Variants in TNS1 observed in about 807,000 individuals in gnomAD.
The protein encoded by TNS1 is tensin 1, also known as tensin-1.
A neutral mutation model predicts 168.6 loss-of-function variants in TNS1; 62 were observed. That is an observed-to-expected ratio of 0.37 (90% CI 0.30 to 0.45). The LOEUF is 0.45. Ranked by LOEUF, TNS1 falls within the 20% of genes least tolerant of loss-of-function variation. The probability of loss-of-function intolerance (pLI) is 1.00; values close to 1 mark genes in which losing one functional copy is unlikely to be tolerated. For synonymous variants in TNS1, 934 were observed against 933.2 expected, an observed-to-expected ratio of 1.00 and a Z score of -0.02; for missense variants, 2,240 against 2,339.4, an observed-to-expected ratio of 0.96 and a Z score of 0.88.
At position 217,963,889 on chromosome 2, in the gene TNS1, CA is replaced by C. The variant is rs58953604; in HGVS notation, c.186+14875del. On this transcript the variant is annotated intron_variant, in intron 3 of 32. Coordinates refer to ENST00000682258, the MANE Select transcript of TNS1 (RefSeq NM_001387777.1). ...TGAAACCCCATCTCTACTAAAAATA[CA>C]AAAAAAAAAAAAAAATTAGTCGGGT... Among the ~76,000 whole-genome samples, 708 of 126,308 alleles carry C rather than the reference CA, an allele frequency of 5.6e-3. 7 individuals carry two copies. Among genetic ancestry groups the C allele is most frequent in the African/African-American group, 0.012 (386 of 33,422 alleles). 82.9% of individuals were successfully genotyped at this position (126,308 alleles called of 152,430 possible). A position where few individuals can be genotyped will look rare whatever the true frequency, so the allele number is the denominator to read the frequency against.
chr2:217,838,120 C>G (rs532345706), intron 19 of TNS1, among the ~76,000 whole-genome samples: 1 of 152,242 alleles, frequency 6.6e-6, no homozygotes, highest in African/African-American at 2.4e-5. Flanking sequence ...AAAATAAATG[C>G]ATTAGGGCTG....
intron 7 of TNS1, among the ~76,000 whole-genome samples, chr2:217,898,727 C>T (rs537824706): frequency 7.9e-5 from 12 of 152,362 alleles, no homozygotes; most frequent in Admixed American, 6.5e-4. Context: ...TGGCGGGCAG[C>T]CGCCAGCACC....
intron 18 of TNS1, among the ~76,000 whole-genome samples, chr2:217,852,321 C>T (rs1387019695): frequency 2.6e-5 from 4 of 152,062 alleles, no homozygotes; most frequent in Admixed American, 1.3e-4. Flanking sequence ...AGCTGCAGGC[C>T]CCCTCCTGAG....
intron 3 of TNS1, among the ~76,000 whole-genome samples, chr2:217,930,601 G>A (rs907488188): frequency 3.9e-5 from 6 of 152,196 alleles, no homozygotes; most frequent in African/African-American, 7.2e-5. Flanking sequence ...GCTGGAGCCC[G>A]AGAGTCCAGC....
rs1050099242 is a variant in TNS1 at position 217,882,274 on chromosome 2, G to A, written c.1312+72C>T. ...TTGATCACTGTGGAACAGACCAGGG[G>A]TGGAAGGGTGCTGGGGATAGGGTCA... On this transcript the variant is annotated intron_variant, in intron 17 of 32. Coordinates refer to ENST00000682258, the MANE Select transcript of TNS1 (RefSeq NM_001387777.1). 14 of 1,067,250 alleles carry A rather than the reference G, an allele frequency of 1.3e-5. No homozygotes were observed. In the Admixed American group the frequency reaches 1.6e-4, roughly 12 times the overall value. The allele number at this position is 1,067,250 out of a possible 1,614,324, so 66.1% of individuals were successfully genotyped here.
chr2:217,888,714 A>G (rs185321898), intron 12 of TNS1, among the ~76,000 whole-genome samples: 24 of 152,216 alleles, frequency 1.6e-4, no homozygotes, highest in Non-Finnish European at 2.9e-4. Flanking sequence ...CTTGTCTGTC[A>G]CCATGTGAGA....
chr2:217,964,917 C>T (rs1228646014), intron 3 of TNS1, among the ~76,000 whole-genome samples: 3 of 152,352 alleles, frequency 2.0e-5, no homozygotes, highest in South Asian at 2.1e-4. Context: ...CCCACCTGCC[C>T]GCTGCAAGGG....
chr2:217,829,805 A>G (rs771645185), intron 22 of TNS1: 2 of 1,612,830 alleles, frequency 1.2e-6, no homozygotes, highest in Admixed American at 3.3e-5. Flanking sequence ...AGCCATTTCC[A>G]GACCCAGAGA....
chr2:217,964,512 C>T (rs947393535), intron 3 of TNS1, among the ~76,000 whole-genome samples: 3 of 152,212 alleles, frequency 2.0e-5, no homozygotes, highest in Admixed American at 6.5e-5. Flanking sequence ...GAGGCGTTTC[C>T]TCCTCTGTGC....
At chr2:218,007,890 C>A (rs1958674433), upstream of TNS1, among the ~76,000 whole-genome samples, 1 of 152,184 alleles carries the variant, frequency 6.6e-6, no homozygotes, top group Non-Finnish European at 1.5e-5. Context: ...TGAGATGCAT[C>A]AGCCCAGAGC....
intron 12 of TNS1, among the ~76,000 whole-genome samples, chr2:217,886,954 C>T (rs374190330): frequency 6.6e-6 from 1 of 152,122 alleles, no homozygotes; most frequent in Non-Finnish European, 1.5e-5. Flanking sequence ...ACTCCCAGCC[C>T]GAGAATCTCC....
intron 1 of TNS1, among the ~76,000 whole-genome samples, chr2:217,993,369 C>T (rs1442428845): frequency 6.6e-6 from 1 of 152,216 alleles, no homozygotes; most frequent in Non-Finnish European, 1.5e-5. Context: ...TTCCTGGCTT[C>T]CTCCACTTTA....
At chr2:217,810,197 A>G in intron 29 of TNS1, 51 bp downstream of exon 29, 1 of 1,599,898 alleles carries the variant, frequency 6.3e-7, no homozygotes, top group Non-Finnish European at 8.6e-7. Context: ...TCAGGGCAGG[A>G]AGGCAGAAAG....
chr2:217,839,301 G>T (rs1945614294), intron 19 of TNS1, among the ~76,000 whole-genome samples: 1 of 152,092 alleles, frequency 6.6e-6, no homozygotes, highest in South Asian at 2.1e-4. Flanking sequence ...TGTTCAAGGA[G>T]CCCTGGGCGT....
chr2:217,854,544 G>A (rs962886593), intron 18 of TNS1, among the ~76,000 whole-genome samples: 2 of 152,212 alleles, frequency 1.3e-5, no homozygotes, highest in African/African-American at 4.8e-5. Context: ...CATGACAATA[G>A]GAAGAAGCAC....
chr2:217,819,801 G>T lies in TNS1; in HGVS notation c.3573-1042C>A, dbSNP rs1014592412. ...GGGGCCTTACATAAACTAGTATGTA[G>T]GGAGGGAGCAGGCAGGCTGTGCACC... On this transcript the variant is annotated intron_variant, in intron 23 of 32. Transcript: ENST00000682258. Among the ~76,000 whole-genome samples, 2 of 152,138 alleles carry T rather than the reference G, an allele frequency of 1.3e-5. 1 individual carries two copies. The highest frequency in any genetic ancestry group is 4.1e-4 in the South Asian group (2 of 4,824).
intron 22 of TNS1, among the ~76,000 whole-genome samples, chr2:217,830,770 C>T (rs921223387): frequency 6.6e-6 from 1 of 152,198 alleles, no homozygotes; most frequent in Non-Finnish European, 1.5e-5. Flanking sequence ...GGGGGATGAG[C>T]ACAGGCCAGG....
intron 18 of TNS1, among the ~76,000 whole-genome samples, chr2:217,850,894 C>T (rs115991669): frequency 0.042 from 6,436 of 152,172 alleles, 446 homozygotes; most frequent in African/African-American, 0.15. Context: ...GTGAGCACAG[C>T]GCAAACGCCA....
rs201270225 is a variant in TNS1, at chr2:217,809,898, T to C, written c.5198A>G (p.Asp1733Gly). 62 of 1,612,632 alleles carry C rather than the reference T, an allele frequency of 3.8e-5. No homozygotes were observed. Among genetic ancestry groups the C allele is most frequent in the Non-Finnish European group, 4.6e-5 (54 of 1,179,490 alleles). Reference protein sequence around the residue: ...SKATSETLAADPTPAATIVHF... With the variant: ...SKATSETLAAGPTPAATIVHF... ...AACGATGGTGGCAGCTGGCGTGGGGTCTGCAGCCAACGTCTCAGATGTGGC... is the reference window on the plus strand; with the variant it reads ...AACGATGGTGGCAGCTGGCGTGGGGCCTGCAGCCAACGTCTCAGATGTGGC... Residue 1733 changes from aspartate to glycine, a missense_variant, in exon 30 of 33, where the codon GAC becomes GGC. Transcript: ENST00000682258.
Sources: allele counts gnomAD v4.1 joint callset (sites outside exome capture counted in the v4.1 genomes callset), GRCh38; gene constraint gnomAD v4.1.1; transcripts MANE v1.5; gene names NCBI Gene and HGNC (gene_info 2026-07-23, HGNC 2026-07-21).